ZMYM3: variants seen among roughly 807,000 people sequenced by gnomAD.
ZMYM3 encodes zinc finger MYM-type protein 3.
In ZMYM3, 6 loss-of-function variants were observed where a neutral mutation model predicts 94.2. The observed-to-expected ratio is 0.06, with a 90% confidence interval of 0.03 to 0.13. ZMYM3 has a LOEUF of 0.13. Ranked by LOEUF, ZMYM3 falls within the 10% of genes least tolerant of loss-of-function variation. ZMYM3 has a pLI of 1.00. For synonymous variants in ZMYM3, 420 were observed against 426.5 expected (o/e 0.98, Z 0.19); for missense variants, 664 against 1,132.6 (o/e 0.59, Z 5.94).
rs2030178363 is a variant in ZMYM3 at position 71,246,458 on chromosome X, G to T, written c.2467C>A (p.Pro823Thr). The T allele has an allele frequency of 2.6e-6, 3 of 1,154,904 alleles. No individual in the cohort carries two copies. The highest frequency in any genetic ancestry group is 2.0e-5 in the South Asian group (1 of 50,352). The change falls in exon 15 of 25, where the codon CCC (proline) becomes ACC (threonine). Residue 823 changes from proline to threonine, a missense_variant. By Grantham distance (38) the Pro-to-Thr change is conservative. Around this residue, in one of 9 missense-constraint regions of ZMYM3, gnomAD observed 57 missense variants for 52.0 expected, o/e 1.10. Coordinates refer to ENST00000314425, the MANE Select transcript of ZMYM3 (RefSeq NM_201599.3). Reference sequence around the variant, plus strand: ...TTGTTTTTGCGGGGTGTTGCTGGGGGTGGTGGGGGTGGAGGGGTGGGAGCA... The same window carrying T: ...TTGTTTTTGCGGGGTGTTGCTGGGGTTGGTGGGGGTGGAGGGGTGGGAGCA... ...PTAPTPPPPP[P>T]PATPRKNKAA...
chrX:71,242,906 C>G (rs2030006635), intron 22 of ZMYM3, 64 bp downstream of exon 22: 1 of 1,066,302 alleles, frequency 9.4e-7, no homozygotes, highest in Admixed American at 2.3e-5. Flanking sequence ...GCACAGGACT[C>G]TCGGGATGGT....
chrX:71,254,912 T>C (rs2030681084), upstream of ZMYM3: 1 of 110,713 alleles, frequency 9.0e-6, no homozygotes, highest in South Asian at 3.8e-4. Flanking sequence ...TCTGGCTCAG[T>C]GGCAACGCCT....
chrX:71,247,088 C>T (rs1292160462), intron 13 of ZMYM3, among the ~76,000 whole-genome samples: 1 of 111,296 alleles, frequency 9.0e-6, no homozygotes, highest in East Asian at 2.8e-4. Flanking sequence ...TATGCTCCAT[C>T]CTACCAGGAA....
intron 10 of ZMYM3, 26 bp from the exon 11 acceptor site, chrX:71,248,338 G>T: frequency 8.4e-7 from 1 of 1,194,168 alleles, no homozygotes; most frequent in Non-Finnish European, 1.1e-6. Context: ...AGGGCAGGGA[G>T]GACAAGCTGT....
chrX:71,243,573 C>T (rs113013764), intron 21 of ZMYM3: 1 of 358,172 alleles, frequency 2.8e-6, no homozygotes. Flanking sequence ...AGGTAGGGGA[C>T]AAGATGAGGA....
Position 71,252,449 on chromosome X carries a change from A to G in ZMYM3, c.667+140T>C, listed in dbSNP as rs375611823. 5.1e-6 allele frequency: 3 copies of G among 590,613 alleles called. No homozygotes were observed. The African/African-American group carries it at 7.5e-5, about 15-fold the overall frequency. The allele number at this position is 590,613 out of a possible 1,213,427, so 48.7% of individuals were successfully genotyped here. A position where few individuals can be genotyped will look rare whatever the true frequency, so the allele number is the denominator to read the frequency against. ...ACACCACCCCACTCCTCCCTCGTAA[A>G]CCCCAAGTCCTTCCCCACACACATC... On this transcript the variant is annotated intron_variant, in intron 2 of 24. Transcript: ENST00000314425.
Position 71,241,122 on chromosome X carries a change from G to GGTGGGA in ZMYM3, c.3921-20_3921-15dup, listed in dbSNP as rs762568961. On this transcript the variant is annotated splice_polypyrimidine_tract_variant and intron_variant, in intron 24 of 24. Transcript: ENST00000314425. ...AGGCTTTCAGGACTGCAACATCGGG[G>GGTGGGA]GTGGGAGTGGGAGTGGGGGTGGCAG... 2 of 1,199,720 alleles carry GGTGGGA rather than the reference G, an allele frequency of 1.7e-6. No individual in the cohort carries two copies. The highest frequency in any genetic ancestry group is 1.8e-5 in the African/African-American group (1 of 56,658).
intron 13 of ZMYM3, 117 bp from the exon 14 acceptor site, chrX:71,246,809 G>C: frequency 5.8e-6 from 4 of 692,491 alleles, no homozygotes; most frequent in Non-Finnish European, 8.4e-6. Context: ...GAACTTCTAG[G>C]ATTTGACCCC....
chrX:71,243,724 G>A (rs1345661431), intron 21 of ZMYM3, 105 bp downstream of exon 21: 1 of 1,042,371 alleles, frequency 9.6e-7, no homozygotes, highest in East Asian at 3.1e-5. Flanking sequence ...CCAAAGTGTT[G>A]GGATTACAGG....
upstream of ZMYM3, chrX:71,254,522 A>G (rs1278391844): frequency 9.2e-6 from 1 of 108,461 alleles, no homozygotes; most frequent in East Asian, 2.9e-4. Flanking sequence ...TGCTCGCCCT[A>G]CCTCCTGGAG....
At position 71,250,602 on chromosome X, in the gene ZMYM3, C is replaced by A. The variant is rs1238329895; in HGVS notation, c.903G>T (p.Gly301=). ...TCATCTTGGTGCCCACTGCAGAGCGCCCGGCCCTTTGTGACACACTTGAGC... is the reference window on the plus strand; with the variant it reads ...TCATCTTGGTGCCCACTGCAGAGCGACCGGCCCTTTGTGACACACTTGAGC... ...SLRSSVSQRA[G]RSAVGTKMTC... The change falls in exon 5 of 25, where the codon GGG becomes GGT. Residue 301 remains glycine, a synonymous_variant. Transcript: ENST00000314425. 5 of 1,211,664 alleles carry A rather than the reference C, an allele frequency of 4.1e-6. No individual in the cohort carries two copies. The highest frequency in any genetic ancestry group is 5.6e-6 in the Non-Finnish European group (5 of 895,366).
At chrX:71,249,374 C>T in intron 7 of ZMYM3, 87 bp downstream of exon 7, 1 of 1,147,503 alleles carries the variant, frequency 8.7e-7, no homozygotes, top group Non-Finnish European at 1.2e-6. Context: ...TTTCTCCCAG[C>T]CCTTGACCCA....
chrX:71,247,884 C>T lies in ZMYM3; in HGVS notation c.1998G>A (p.Gln666=). 8.3e-7 allele frequency: 1 copy of T among 1,200,417 alleles called. No individual in the cohort carries two copies. Among genetic ancestry groups the T allele is most frequent in the African/African-American group, 1.7e-5 (1 of 57,669 alleles). ...CSEGCVLLYK[Q]DFTKKLGLCC... Reference sequence around the variant, plus strand: ...ACAAGCCCAGCTTCTTAGTGAAGTCCTGTTTGTACAGCAGCACACAGCCTG... The same window carrying T: ...ACAAGCCCAGCTTCTTAGTGAAGTCTTGTTTGTACAGCAGCACACAGCCTG... The change falls in exon 12 of 25, where the codon CAG becomes CAA. Residue 666 remains glutamine (Q), a synonymous_variant. Coordinates refer to ENST00000314425, the MANE Select transcript of ZMYM3 (RefSeq NM_201599.3).
Position 71,242,488 on chromosome X carries a change from C to T in ZMYM3, c.3548-64G>A, listed in dbSNP as rs1004373073. On this transcript the variant is annotated intron_variant, in intron 22 of 24. Transcript: ENST00000314425. ...TGGCTACCCAAACCCAACCACTTCCCATCCCATGTGCCCTGCTCATTTCCC... is the reference window on the plus strand; with the variant it reads ...TGGCTACCCAAACCCAACCACTTCCTATCCCATGTGCCCTGCTCATTTCCC... The T allele has an allele frequency of 4.1e-5, 48 of 1,166,013 alleles. No individual in the cohort carries two copies. The Middle Eastern group carries it at 7.1e-4, about 17-fold the overall frequency.
chrX:71,251,432 C>G, intron 3 of ZMYM3, 126 bp downstream of exon 3: 1 of 969,345 alleles, frequency 1.0e-6, no homozygotes, highest in Non-Finnish European at 1.4e-6. Flanking sequence ...CACTAGTGCT[C>G]CCTCCCTCCT....
rs371505793 is a variant in ZMYM3, at chrX:71,240,911, C to T, written c.*5G>A. ...GTGAAAGATGGATATGGATGGCACA[C>T]GAGCTCAGTCCAGGTCTTCCTCCCC... is the stretch of plus-strand genomic sequence containing the variant. On this transcript the variant is annotated 3_prime_UTR_variant, in exon 25 of 25. Transcript: ENST00000314425. 11 of 1,204,806 alleles carry T rather than the reference C, an allele frequency of 9.1e-6. No homozygotes were observed. The highest frequency in any genetic ancestry group is 2.3e-4 in the Middle Eastern group (1 of 4,357).
chrX:71,240,889 A>T lies in ZMYM3; in HGVS notation c.*27T>A, dbSNP rs1446106314. 7.5e-6 allele frequency: 9 copies of T among 1,195,699 alleles called. No individual in the cohort carries two copies. Among genetic ancestry groups the T allele is most frequent in the Non-Finnish European group, 1.0e-5 (9 of 884,901 alleles). On this transcript the variant is annotated 3_prime_UTR_variant, in exon 25 of 25. Coordinates refer to ENST00000314425, the MANE Select transcript of ZMYM3 (RefSeq NM_201599.3). ...TGGCCACAGGACAGACATTGATGTG[A>T]AAGATGGATATGGATGGCACACGAG...
At chrX:71,249,214 C>T (rs1602364521) in intron 7 of ZMYM3, 45 bp from the exon 8 acceptor site, 1 of 1,198,374 alleles carries the variant, frequency 8.3e-7, no homozygotes, top group East Asian at 3.0e-5. Context: ...TTTGTCCCTT[C>T]ACTTTTATTT....
chrX:71,245,949 A>T (rs1364632768), intron 16 of ZMYM3, 37 bp downstream of exon 16: 1 of 1,195,838 alleles, frequency 8.4e-7, no homozygotes, highest in African/African-American at 1.8e-5. Context: ...GAGTAAGGGG[A>T]AAGGAGGACC....
Sources: gnomAD v4.1 joint callset for allele counts (sites outside exome capture counted in the v4.1 genomes callset) on GRCh38, gnomAD v4.1.1 for gene constraint, gnomAD v4.1.1 regional missense constraint, MANE v1.5 for transcripts, NCBI Gene and HGNC (gene_info 2026-07-23, HGNC 2026-07-21) for gene names.